CMTM8: variants seen among roughly 807,000 people sequenced by gnomAD.
CMTM8 encodes CKLF-like MARVEL transmembrane domain-containing protein 8.
A neutral mutation model predicts 18.6 loss-of-function variants in CMTM8; 12 were observed. The ratio of observed to expected loss-of-function variants is 0.65; its 90% CI spans 0.41 to 1.05. The LOEUF is 1.05. Among genes scored for constraint, CMTM8 ranks in the 50% least tolerant of loss-of-function variants. The pLI, the probability that CMTM8 is intolerant of heterozygous loss-of-function variation, is 0.00. For missense variants in CMTM8, 217 were observed against 227.2 expected, an observed-to-expected ratio of 0.95 and a Z score of 0.29; for synonymous variants, 87 against 90.6, an observed-to-expected ratio of 0.96 and a Z score of 0.23.
chr3:32,295,455 CA>C (rs1400148634), intron 1 of CMTM8, among the ~76,000 whole-genome samples: 1 of 27,546 alleles, frequency 3.6e-5, no homozygotes, highest in African/African-American at 1.3e-4. Context: ...GACTCCATCT[CA>C]AAAAAAAAAA....
At chr3:32,339,155 C>A (rs1696445013) in intron 1 of CMTM8, among the ~76,000 whole-genome samples, 1 of 152,176 alleles carries the variant, frequency 6.6e-6, no homozygotes, top group Admixed American at 6.6e-5. Flanking sequence ...TCAAGAAGAG[C>A]ATCAAAGAAT....
At chr3:32,263,321 T>A (rs1702283936) in intron 1 of CMTM8, among the ~76,000 whole-genome samples, 1 of 152,242 alleles carries the variant, frequency 6.6e-6, no homozygotes, top group South Asian at 2.1e-4. Flanking sequence ...CAGCCTCCGC[T>A]GCTGATACCC....
At chr3:32,310,177 C>T (rs887703289) in intron 1 of CMTM8, among the ~76,000 whole-genome samples, 2 of 151,170 alleles carry the variant, frequency 1.3e-5, no homozygotes, top group African/African-American at 4.9e-5. Flanking sequence ...TTCTGTAAAT[C>T]GAATTTATCA....
At chr3:32,341,603 G>A (rs2125589621) in intron 1 of CMTM8, among the ~76,000 whole-genome samples, 1 of 152,294 alleles carries the variant, frequency 6.6e-6, no homozygotes, top group South Asian at 2.1e-4. Flanking sequence ...GAGGCCAGGT[G>A]TGGTGGCTCA....
intron 1 of CMTM8, among the ~76,000 whole-genome samples, chr3:32,356,069 G>A (rs1696809683): frequency 6.6e-6 from 1 of 152,174 alleles, no homozygotes; most frequent in Non-Finnish European, 1.5e-5. Flanking sequence ...TCTACAAGCA[G>A]GATATGTACA....
intron 1 of CMTM8, among the ~76,000 whole-genome samples, chr3:32,295,870 C>G (rs1256286120): frequency 6.6e-6 from 1 of 152,184 alleles, no homozygotes; most frequent in African/African-American, 2.4e-5. Context: ...ACCCTACGTT[C>G]CAGCTCCACT....
chr3:32,243,262 G>A (rs1443153027), intron 1 of CMTM8, among the ~76,000 whole-genome samples: 2 of 151,756 alleles, frequency 1.3e-5, no homozygotes, highest in Non-Finnish European at 2.9e-5. Context: ...CAGGCGTGGT[G>A]GTTCACACCT....
At chr3:32,298,861 A>C (rs1463940742) in intron 1 of CMTM8, among the ~76,000 whole-genome samples, 16 of 147,122 alleles carry the variant, frequency 1.1e-4, no homozygotes, top group African/African-American at 4.0e-4. Context: ...ATACACACAC[A>C]CATATATATA....
intron 1 of CMTM8, among the ~76,000 whole-genome samples, chr3:32,320,594 TTAAG>T (rs1696025445): frequency 6.6e-6 from 1 of 152,170 alleles, no homozygotes; most frequent in Admixed American, 6.5e-5. Context: ...ATTGTGTACT[TTAAG>T]TGGTTGAATT....
At chr3:32,251,795 T>C (rs144644839) in intron 1 of CMTM8, among the ~76,000 whole-genome samples, 1 of 151,732 alleles carries the variant, frequency 6.6e-6, no homozygotes, top group East Asian at 1.9e-4. Context: ...TTTTTTTTAA[T>C]ATTTACTTTT....
intron 1 of CMTM8, among the ~76,000 whole-genome samples, chr3:32,274,712 C>T (rs147123005): frequency 8.6e-4 from 131 of 152,222 alleles, no homozygotes; most frequent in African/African-American, 3.1e-3. Flanking sequence ...TTTCCCTGTC[C>T]AAGATAGAGC....
At chr3:32,341,562 G>A (rs1363523565) in intron 1 of CMTM8, among the ~76,000 whole-genome samples, 1 of 152,172 alleles carries the variant, frequency 6.6e-6, no homozygotes, top group East Asian at 1.9e-4. Flanking sequence ...CTTACGGCAT[G>A]ATGTTGATGT....
At chr3:32,323,840 A>C (rs9811938) in intron 1 of CMTM8, among the ~76,000 whole-genome samples, 2,664 of 152,300 alleles carry the variant, frequency 0.017, 89 homozygotes, top group African/African-American at 0.061. Context: ...TAAAATCAAC[A>C]CTATCAAGTT....
chr3:32,317,874 T>C (rs1430645503), intron 1 of CMTM8, among the ~76,000 whole-genome samples: 3 of 151,840 alleles, frequency 2.0e-5, no homozygotes, highest in Non-Finnish European at 4.4e-5. Flanking sequence ...GCCAACATGG[T>C]GAAACCCCGT....
At chr3:32,367,826 C>G (rs1266277263) in intron 2 of CMTM8, 46 bp from the exon 3 acceptor site, 1 of 1,340,532 alleles carries the variant, frequency 7.5e-7, no homozygotes, top group East Asian at 2.3e-5. Context: ...CAGAGGTATG[C>G]AGACCCTCCC....
chr3:32,299,698 T>C (rs1007039915), intron 1 of CMTM8, among the ~76,000 whole-genome samples: 1 of 152,162 alleles, frequency 6.6e-6, no homozygotes, highest in Non-Finnish European at 1.5e-5. Context: ...TCAAGAAAAA[T>C]GTACTTGAAA....
chr3:32,295,455 CAAAAAAAA>C (rs1400148634), intron 1 of CMTM8, among the ~76,000 whole-genome samples: 1 of 27,546 alleles, frequency 3.6e-5, no homozygotes. Flanking sequence ...GACTCCATCT[CAAAAAAAA>C]AAAAAAAAAA....
Position 32,357,382 on chromosome 3 carries a change from C to T in CMTM8, c.157C>T (p.Leu53=), listed in dbSNP as rs1314871779. The T allele has an allele frequency of 6.2e-7, 1 of 1,613,766 alleles. No homozygotes were observed. Among genetic ancestry groups the T allele is most frequent in the Admixed American group, 1.7e-5 (1 of 60,016 alleles). The change falls in exon 2 of 4, where the codon CTG becomes TTG. Residue 53 remains leucine (L), a synonymous_variant. Transcript: ENST00000307526. ...TTCTACCACTTTACAGGTTCTGGGG[C>T]TGCTGGTATGGACGCTTATTGCTGG... ...FLIVAEIVLG[L]LVWTLIAGTE...
Position 32,357,393 on chromosome 3 carries a change from G to A in CMTM8, c.168G>A (p.Trp56Ter), listed in dbSNP as rs34737423. ...VAEIVLGLLVWTLIAGTEYFR... is the reference protein window; with the variant it reads ...VAEIVLGLLV Reference sequence around the variant, plus strand: ...TACAGGTTCTGGGGCTGCTGGTATGGACGCTTATTGCTGGAACTGAGTACT... The same window carrying A: ...TACAGGTTCTGGGGCTGCTGGTATGAACGCTTATTGCTGGAACTGAGTACT... The change falls in exon 2 of 4, where the codon TGG (tryptophan) becomes TGA (stop). Residue 56 changes from tryptophan to a stop codon, truncating the protein, a stop_gained. Coordinates refer to ENST00000307526, the MANE Select transcript of CMTM8 (RefSeq NM_178868.5). LOFTEE classifies it high-confidence loss of function. The A allele has an allele frequency of 1.2e-6, 2 of 1,613,756 alleles. No homozygotes were observed. Among genetic ancestry groups the A allele is most frequent in the Non-Finnish European group, 1.7e-6 (2 of 1,180,006 alleles).
Sources: allele counts gnomAD v4.1 joint callset (sites outside exome capture counted in the v4.1 genomes callset), GRCh38; gene constraint gnomAD v4.1.1; transcripts MANE v1.5; gene names NCBI Gene and HGNC (gene_info 2026-07-23, HGNC 2026-07-21).